LOC128092252: variants seen among roughly 807,000 people sequenced by gnomAD.
chr15:50,666,632 G>C, the LOC128092252 span, among the ~76,000 whole-genome samples: 1 of 152,098 alleles, frequency 6.6e-6, no homozygotes, highest in Non-Finnish European at 1.5e-5. Context: ...GGAGAAACCT[G>C]TCTCTACTAA....
chr15:50,684,322 A>G, the LOC128092252 span, among the ~76,000 whole-genome samples: 1 of 152,030 alleles, frequency 6.6e-6, no homozygotes, highest in Non-Finnish European at 1.5e-5. Flanking sequence ...AAGTCTTTAG[A>G]TTAACTACTA....
chr15:50,665,583 A>C, the LOC128092252 span, among the ~76,000 whole-genome samples: 1 of 152,190 alleles, frequency 6.6e-6, no homozygotes, highest in Admixed American at 6.6e-5. Flanking sequence ...CATAATTAAA[A>C]ATTTTAAATT....
chr15:50,656,499 CTTTTTTTT>C, the LOC128092252 span, among the ~76,000 whole-genome samples: 4 of 133,510 alleles, frequency 3.0e-5, no homozygotes, highest in African/African-American at 8.3e-5. Flanking sequence ...GTGTGGTTTT[CTTTTTTTT>C]TTTTTTTTGG....
chr15:50,653,210 G>A, the LOC128092252 span, among the ~76,000 whole-genome samples: 1 of 152,146 alleles, frequency 6.6e-6, no homozygotes, highest in African/African-American at 2.4e-5. Context: ...CAGCTCTTAA[G>A]GAGGCATAAG....
chr15:50,662,082 C>T, the LOC128092252 span, among the ~76,000 whole-genome samples: 6 of 152,048 alleles, frequency 3.9e-5, no homozygotes, highest in African/African-American at 7.2e-5. Context: ...GGGCTGGGCG[C>T]GGTGGCTCAC....
At chr15:50,682,246 A>G in the LOC128092252 span, among the ~76,000 whole-genome samples, 6 of 151,068 alleles carry the variant, frequency 4.0e-5, no homozygotes, top group South Asian at 1.3e-3. Context: ...TATCAACTTC[A>G]AAAAACTGCT....
chr15:50,679,894 C>T, the LOC128092252 span, among the ~76,000 whole-genome samples: 1,549 of 152,124 alleles, frequency 0.01, 38 homozygotes, highest in African/African-American at 0.036. Context: ...AATGACTTTT[C>T]TAATCTACTA....
At chr15:50,668,972 T>C in the LOC128092252 span, among the ~76,000 whole-genome samples, 1 of 152,212 alleles carries the variant, frequency 6.6e-6, no homozygotes, top group Non-Finnish European at 1.5e-5. Flanking sequence ...TTGGGAAAAC[T>C]GGCCTCATAT....
the LOC128092252 span, among the ~76,000 whole-genome samples, chr15:50,678,873 CAA>C: frequency 6.7e-6 from 1 of 150,288 alleles, no homozygotes. Context: ...TTTGCAAAAA[CAA>C]AAAAAAAAAT....
chr15:50,686,117 C>A, the LOC128092252 span, among the ~76,000 whole-genome samples: 2 of 152,218 alleles, frequency 1.3e-5, no homozygotes, highest in Non-Finnish European at 2.9e-5. Context: ...TTGAGCAGAG[C>A]ATTTGGTTCC....
chr15:50,648,913 C>A, the LOC128092252 span: 8 of 1,524,406 alleles, frequency 5.2e-6, no homozygotes, highest in Non-Finnish European at 7.1e-6. Context: ...GATTAAAACA[C>A]CCTTCAAAAA....
chr15:50,649,006 T>C, the LOC128092252 span: 1 of 640,684 alleles, frequency 1.6e-6, no homozygotes, highest in Non-Finnish European at 2.4e-6. Flanking sequence ...TATATAAGTA[T>C]AAAAATAAGC....
At chr15:50,674,924 C>A in the LOC128092252 span, among the ~76,000 whole-genome samples, 4 of 152,158 alleles carry the variant, frequency 2.6e-5, no homozygotes, top group African/African-American at 9.7e-5. Context: ...TTCTCATTGG[C>A]AAATCCACCC....
chr15:50,655,013 A>G, the LOC128092252 span, among the ~76,000 whole-genome samples: 7 of 150,060 alleles, frequency 4.7e-5, no homozygotes, highest in South Asian at 2.1e-4. Context: ...AAAAAAAAAA[A>G]AAAAGAAAAG....
the LOC128092252 span, among the ~76,000 whole-genome samples, chr15:50,669,731 C>T: frequency 6.6e-6 from 1 of 151,936 alleles, no homozygotes; most frequent in Non-Finnish European, 1.5e-5. Flanking sequence ...GCAATTTAGG[C>T]TGACCTTGCT....
At chr15:50,676,429 A>G in the LOC128092252 span, among the ~76,000 whole-genome samples, 1 of 152,192 alleles carries the variant, frequency 6.6e-6, no homozygotes, top group African/African-American at 2.4e-5. Context: ...GACAAAAGAT[A>G]AAAAAGAGGC....
the LOC128092252 span, among the ~76,000 whole-genome samples, chr15:50,684,301 G>A: frequency 4.0e-5 from 6 of 151,776 alleles, no homozygotes; most frequent in East Asian, 5.8e-4. Flanking sequence ...TACCACGCCC[G>A]ATTACTGATC....
At chr15:50,685,024 C>T in the LOC128092252 span, among the ~76,000 whole-genome samples, 11 of 152,198 alleles carry the variant, frequency 7.2e-5, no homozygotes, top group African/African-American at 2.4e-4. Context: ...ATAAAGTATC[C>T]ATAAATGACA....
At chr15:50,649,510 A>G in the LOC128092252 span, among the ~76,000 whole-genome samples, 1 of 152,184 alleles carries the variant, frequency 6.6e-6, no homozygotes, top group Non-Finnish European at 1.5e-5. Flanking sequence ...AACCACTAAT[A>G]ATACTACAGA....
Sources: gnomAD v4.1 joint callset for allele counts (sites outside exome capture counted in the v4.1 genomes callset) on GRCh38, gnomAD v4.1.1 for gene constraint, MANE v1.5 for transcripts.